Variants in PCDHGC3 observed in about 807,000 individuals in gnomAD.
The protein encoded by PCDHGC3 is protocadherin gamma subfamily C, 3.
In PCDHGC3, 26 loss-of-function variants were observed where a neutral mutation model predicts 59.2. The observed-to-expected ratio is 0.44, with a 90% CI of 0.32 to 0.61. The LOEUF is 0.61. Ranked by LOEUF, PCDHGC3 falls within the 20% of genes least tolerant of loss-of-function variation. The pLI is 0.05. For synonymous variants in PCDHGC3, 487 were observed against 519.7 expected (o/e 0.94, Z 0.86); for missense variants, 1,080 against 1,221.8 (o/e 0.88, Z 1.73).
chr5:141,479,188 A>G (rs2099489531), intron 1 of PCDHGC3: 1 of 152,606 alleles, frequency 6.6e-6, no homozygotes. Context: ...TAGAAAATTC[A>G]GAAAATACAG....
In PCDHGC3 at chr5:141,476,651, T is replaced by C. The variant is rs1355056895; in HGVS notation, c.535T>C (p.Tyr179His). Residue 179 changes from tyrosine (Y) to histidine (H), a missense_variant, in exon 1 of 4, where the codon TAC becomes CAC. Physicochemically the swap from Tyr to His is moderately conservative, Grantham distance 83. Coordinates refer to ENST00000308177, the MANE Select transcript of PCDHGC3 (RefSeq NM_002588.4). This position sits in a 1 kb window ranked among gnomAD's most constrained non-coding sequence, Gnocchi z 7.6. ...LQTYELSRNE[Y>H]FALRVQTRED... ...AACCTATGAGCTGAGCCGAAATGAA[T>C]ACTTTGCGCTTCGCGTGCAGACGCG... is the stretch of plus-strand genomic sequence containing the variant. The C allele has an allele frequency of 3.7e-6, 6 of 1,614,118 alleles. No individual in the cohort carries two copies. Among genetic ancestry groups the C allele is most frequent in the Non-Finnish European group, 5.1e-6 (6 of 1,180,050 alleles).
intron 1 of PCDHGC3, chr5:141,484,946 C>T (rs2154580274): frequency 3.6e-6 from 2 of 561,448 alleles, no homozygotes; most frequent in Non-Finnish European, 6.4e-6. Flanking sequence ...CTCTGCTCAG[C>T]CTATTGGCTG....
chr5:141,477,582 A>G lies in PCDHGC3; in HGVS notation c.1466A>G (p.Asn489Ser). The change falls in exon 1 of 4, where the codon AAT (asparagine) becomes AGT (serine). Residue 489 changes from asparagine to serine, a missense_variant. Asn to Ser is a conservative substitution (Grantham distance 46). Transcript: ENST00000308177. This position sits in a 1 kb window ranked among gnomAD's most constrained non-coding sequence, Gnocchi z 4.9. Reference sequence around the variant, plus strand: ...GTCTGGGACCCCGACGCCCCGCAGAATGCTCGGCTTTCTTTCTTTCTCTTG... The same window carrying G: ...GTCTGGGACCCCGACGCCCCGCAGAGTGCTCGGCTTTCTTTCTTTCTCTTG... ...LSVWDPDAPQ[N>S]ARLSFFLLEQ... The G allele has an allele frequency of 6.2e-7, 1 of 1,614,190 alleles. No homozygotes were observed.
rs2099623857 is a variant in PCDHGC3, at chr5:141,486,060, A to ACC, written c.2430+7517_2430+7518dup. On this transcript the variant is annotated intron_variant, in intron 1 of 3. Transcript: ENST00000308177. This position sits in a 1 kb window ranked among gnomAD's most constrained non-coding sequence, Gnocchi z 5.0. Reference sequence around the variant, plus strand: ...CGTGTAAGAAACCTCTTTAGCCTGCACCCCACTACTGGAAAGCTTACTCTT... The same window carrying ACC: ...CGTGTAAGAAACCTCTTTAGCCTGCACCCCCCACTACTGGAAAGCTTACTCTT... The ACC allele has an allele frequency of 1.2e-6, 2 of 1,613,980 alleles. No homozygotes were observed. The highest frequency in any genetic ancestry group is 1.7e-6 in the Non-Finnish European group (2 of 1,179,980).
In PCDHGC3 at chr5:141,511,032, G is replaced by C. The variant is rs779589499; in HGVS notation, c.2664G>C (p.Gln888His). Residue 888 changes from glutamine to histidine, a missense_variant, in exon 4 of 4, where the codon CAG (glutamine) becomes CAC (histidine). Gln to His is a conservative substitution (Grantham distance 24). Coordinates refer to ENST00000308177, the MANE Select transcript of PCDHGC3 (RefSeq NM_002588.4). ...SARYGPQFTL[Q>H]HVPDYRQNVY... ...GCTACGGACCCCAGTTCACCCTGCA[G>C]CACGTGCCCGACTACCGCCAGAATG... 6.2e-7 allele frequency: 1 copy of C among 1,614,228 alleles called. No individual in the cohort carries two copies. The highest frequency in any genetic ancestry group is 8.5e-7 in the Non-Finnish European group (1 of 1,180,036).
rs1196201183 is a variant in PCDHGC3, at chr5:141,490,944, G to A, written c.2431-3863G>A. ...ATGCCCCAGCTGTGCTGCACCCACG[G>A]CCAGACTGGGAACACTCAGCCCCCC... On this transcript the variant is annotated intron_variant, in intron 1 of 3. Transcript: ENST00000308177. This position sits in a 1 kb window ranked among gnomAD's most constrained non-coding sequence, Gnocchi z 5.4. 6.2e-7 allele frequency: 1 copy of A among 1,613,488 alleles called. No individual in the cohort carries two copies. The highest frequency in any genetic ancestry group is 1.3e-5 in the African/African-American group (1 of 74,906).
Position 141,486,786 on chromosome 5 carries a change from G to A in PCDHGC3, c.2431-8021G>A, listed in dbSNP as rs1360545946. The A allele has an allele frequency of 1.9e-6, 3 of 1,614,090 alleles. No individual in the cohort carries two copies. The highest frequency in any genetic ancestry group is 2.2e-5 in the East Asian group (1 of 44,892). ...ACACTGCAGTTTGAGGTGCAGGCCC[G>A]GGATCGGGGCAACCCACCCCTTAGC... is the stretch of plus-strand genomic sequence containing the variant. On this transcript the variant is annotated intron_variant, in intron 1 of 3. Coordinates refer to ENST00000308177, the MANE Select transcript of PCDHGC3 (RefSeq NM_002588.4). This position sits in a 1 kb window ranked among gnomAD's most constrained non-coding sequence, Gnocchi z 5.0.
Position 141,477,917 on chromosome 5 carries a change from G to C in PCDHGC3, c.1801G>C (p.Gly601Arg). 6.2e-7 allele frequency: 1 copy of C among 1,614,186 alleles called. No individual in the cohort carries two copies. The highest frequency in any genetic ancestry group is 2.2e-5 in the East Asian group (1 of 44,868). The change falls in exon 1 of 4, where the codon GGG (glycine) becomes CGG (arginine). Residue 601 changes from glycine to arginine, a missense_variant. Physicochemically the swap from Gly to Arg is moderately radical, Grantham distance 125. Transcript: ENST00000308177. The surrounding 1 kb of genome is among the most constrained non-coding windows in gnomAD (Gnocchi z 4.9). ...GGTGGTAGGCTGGGACGCGGATGCA[G>C]GGCACAATGCCTGGCTCTCCTACAG... Reference protein sequence around the residue: ...SRVVGWDADAGHNAWLSYSLL... With the variant: ...SRVVGWDADARHNAWLSYSLL...
chr5:141,507,849 C>CA (rs2099864208), intron 3 of PCDHGC3, among the ~76,000 whole-genome samples: 1 of 152,222 alleles, frequency 6.6e-6, no homozygotes, highest in African/African-American at 2.4e-5. Flanking sequence ...GCCCTGCTCT[C>CA]ACTTTCACAC....
At position 141,487,937 on chromosome 5, in the gene PCDHGC3, T is replaced by G; in HGVS notation, c.2431-6870T>G. 2 of 603,606 alleles carry G rather than the reference T, an allele frequency of 3.3e-6. No homozygotes were observed. The highest frequency in any genetic ancestry group is 2.9e-6 in the Non-Finnish European group (1 of 345,124). 37.4% of individuals were successfully genotyped at this position (603,606 alleles called of 1,614,324 possible). ...GGAGGCTACAGTGCACAGGGTACAG[T>G]GCACCAGGCAGTCACTTGGACAAAG... On this transcript the variant is annotated intron_variant, in intron 1 of 3. Transcript: ENST00000308177. The surrounding 1 kb of genome is among the most constrained non-coding windows in gnomAD (Gnocchi z 5.0).
In PCDHGC3 at chr5:141,489,091, T is replaced by TCAG. The variant is rs2099682519; in HGVS notation, c.2431-5716_2431-5715insCAG. On this transcript the variant is annotated intron_variant, in intron 1 of 3. Transcript: ENST00000308177. This position sits in a 1 kb window ranked among gnomAD's most constrained non-coding sequence, Gnocchi z 4.5. ...CTGCCCACCCCCGCCACTCGGTGACTAAGAACTGCTGCAAGCAGGCAAACC... is the reference window on the plus strand; with the variant it reads ...CTGCCCACCCCCGCCACTCGGTGACTCAGAAGAACTGCTGCAAGCAGGCAAACC... The TCAG allele has an allele frequency of 3.0e-6, 1 of 333,056 alleles. No individual in the cohort carries two copies. Among genetic ancestry groups the TCAG allele is most frequent in the Non-Finnish European group, 5.5e-6 (1 of 181,380 alleles). 20.6% of individuals were successfully genotyped at this position (333,056 alleles called of 1,614,324 possible). A position where few individuals can be genotyped will look rare whatever the true frequency, so the allele number is the denominator to read the frequency against.
intron 2 of PCDHGC3, among the ~76,000 whole-genome samples, chr5:141,498,956 A>G (rs547381859): frequency 2.4e-5 from 3 of 124,058 alleles, no homozygotes; most frequent in African/African-American, 6.3e-5. Context: ...AAAAAGAGAG[A>G]GAGGGAGGGA....
intron 3 of PCDHGC3, among the ~76,000 whole-genome samples, chr5:141,509,362 G>C (rs2099876497): frequency 6.6e-6 from 1 of 152,152 alleles, no homozygotes; most frequent in Non-Finnish European, 1.5e-5. Flanking sequence ...GCATCCCTGA[G>C]GTTTTAACTG....
At position 141,511,187 on chromosome 5, in the gene PCDHGC3, C is replaced by T; in HGVS notation, c.*14C>T. The stretch of plus-strand genomic sequence containing the variant: ...GAGAAGAAGTAACATGGAGGCCAGG[C>T]CAAGAGCCACAGGGCGGCCTCTCCC... On this transcript the variant is annotated 3_prime_UTR_variant, in exon 4 of 4. Transcript: ENST00000308177. The T allele has an allele frequency of 1.2e-6, 2 of 1,613,868 alleles. No homozygotes were observed. The highest frequency in any genetic ancestry group is 1.7e-6 in the Non-Finnish European group (2 of 1,179,878).
Position 141,491,944 on chromosome 5 carries a change from C to A in PCDHGC3, c.2431-2863C>A. On this transcript the variant is annotated intron_variant, in intron 1 of 3. Transcript: ENST00000308177. This position sits in a 1 kb window ranked among gnomAD's most constrained non-coding sequence, Gnocchi z 6.9. ...CGAGGGGAGGTGGGACCGACCCCCA[C>A]CCCTACACTCAAAAAAGGCCGGGGC... 2 of 1,120,270 alleles carry A rather than the reference C, an allele frequency of 1.8e-6. No individual in the cohort carries two copies. Among genetic ancestry groups the A allele is most frequent in the Non-Finnish European group, 2.4e-6 (2 of 822,060 alleles). The allele number at this position is 1,120,270 out of a possible 1,614,324, so 69.4% of individuals were successfully genotyped here.
At chr5:141,500,182 A>ATTT (rs1199992745) in intron 2 of PCDHGC3, among the ~76,000 whole-genome samples, 1 of 131,622 alleles carries the variant, frequency 7.6e-6, no homozygotes, top group African/African-American at 3.1e-5. Context: ...CTTCATTTTT[A>ATTT]TTTTTATTTA....
intron 1 of PCDHGC3, among the ~76,000 whole-genome samples, chr5:141,492,409 C>T (rs1367119266): frequency 6.6e-6 from 1 of 152,230 alleles, no homozygotes. Context: ...TCCCCTCTGC[C>T]GCTCCCTCCG....
Position 141,490,310 on chromosome 5 carries a change from A to G in PCDHGC3, c.2431-4497A>G. 2 of 1,614,082 alleles carry G rather than the reference A, an allele frequency of 1.2e-6. No homozygotes were observed. Among genetic ancestry groups the G allele is most frequent in the South Asian group, 2.2e-5 (2 of 91,078 alleles). ...GAGGTGCTATTGGCCTCTTTGGCCA[A>G]CCCTGTCCTAGAGAGCACACCAGTG... On this transcript the variant is annotated intron_variant, in intron 1 of 3. Transcript: ENST00000308177. The surrounding 1 kb of genome is among the most constrained non-coding windows in gnomAD (Gnocchi z 5.4).
intron 1 of PCDHGC3, among the ~76,000 whole-genome samples, chr5:141,483,294 T>G (rs1392406131): frequency 2.0e-5 from 3 of 152,100 alleles, no homozygotes; most frequent in Non-Finnish European, 4.4e-5. Flanking sequence ...CAGTCATAAG[T>G]GAAGGGACTG....
Sources: gnomAD v4.1 joint callset for allele counts (sites outside exome capture counted in the v4.1 genomes callset) on GRCh38, gnomAD v4.1.1 for gene constraint, Gnocchi (gnomAD v3.1) non-coding constraint, MANE v1.5 for transcripts, NCBI Gene and HGNC (gene_info 2026-07-23, HGNC 2026-07-21) for gene names.